The following PPAT variants were observed in gnomAD, a reference collection of about 807,000 sequenced individuals.
PPAT encodes phosphoribosyl pyrophosphate amidotransferase, also known as amidophosphoribosyltransferase.
A neutral mutation model predicts 60.2 loss-of-function variants in PPAT; 20 were observed. The ratio of observed to expected loss-of-function variants is 0.33; its 90% confidence interval spans 0.23 to 0.48. The LOEUF is 0.48. Among genes scored for constraint, PPAT ranks in the 20% least tolerant of loss-of-function variants. The pLI, the probability that PPAT is intolerant of heterozygous loss-of-function variation, is 0.99. For missense variants in PPAT, 349 were observed against 629.6 expected (o/e 0.55, Z 4.77); for synonymous variants, 194 against 215.1 (o/e 0.90, Z 0.86).
Position 56,412,807 on chromosome 4 carries a change from T to C in PPAT, c.129-5091A>G, listed in dbSNP as rs374050858. Among the ~76,000 whole-genome samples, 3 of 152,344 alleles carry C rather than the reference T, an allele frequency of 2.0e-5. No homozygotes were observed. The East Asian group carries it at 5.8e-4, about 29-fold the overall frequency. ...ATATGGAATATTAATGTAACCTCTT[T>C]ACCGGGCTCCCTAGTTTTCACCCTC... On this transcript the variant is annotated intron_variant, in intron 1 of 10. Transcript: ENST00000264220.
At chr4:56,410,447 A>T in intron 1 of PPAT, 1 of 858,844 alleles carries the variant, frequency 1.2e-6, no homozygotes, top group Non-Finnish European at 1.4e-6. Context: ...ATTGACAACC[A>T]GCCATGTGGT....
intron 1 of PPAT, among the ~76,000 whole-genome samples, chr4:56,432,907 G>A (rs1009375134): frequency 2.6e-4 from 40 of 151,062 alleles, no homozygotes; most frequent in African/African-American, 9.5e-4. Context: ...AGTGAATGAG[G>A]GTGAGAAAGT....
rs1280930529 is a variant in PPAT at position 56,396,079 on chromosome 4, A to G, written c.1358-531T>C. 6.6e-6 allele frequency among the ~76,000 whole-genome samples: 1 copy of G among 152,200 alleles called. No homozygotes were observed. Among genetic ancestry groups the G allele is most frequent in the Admixed American group, 6.5e-5 (1 of 15,276 alleles). On this transcript the variant is annotated intron_variant, in intron 10 of 10. Coordinates refer to ENST00000264220, the MANE Select transcript of PPAT (RefSeq NM_002703.5). This position sits in a 1 kb window ranked among gnomAD's most constrained non-coding sequence, Gnocchi z 4.6. ...CAGTGAGGCATATGCATGACAGGTT[A>G]AAAGAAACACCAGCCACAAACAGAT...
Position 56,415,835 on chromosome 4 carries a change from G to A in PPAT, c.129-8119C>T, listed in dbSNP as rs553050520. Among the ~76,000 whole-genome samples the A allele has an allele frequency of 2.0e-5, 3 of 152,190 alleles. No homozygotes were observed. The East Asian group carries it at 5.8e-4, about 29-fold the overall frequency. ...CTCACACCTGTAATCCCAGCACTTTGGGAGGCCGAGGATCACCTGAGGTTA... is the reference window on the plus strand; with the variant it reads ...CTCACACCTGTAATCCCAGCACTTTAGGAGGCCGAGGATCACCTGAGGTTA... On this transcript the variant is annotated intron_variant, in intron 1 of 10. Transcript: ENST00000264220.
At position 56,435,129 on chromosome 4, in the gene PPAT, A is replaced by G. The variant is rs531211606; in HGVS notation, c.128+221T>C. ...GGGAGGGAGAGAGCCCCTAAAAGGC[A>G]TAAGTGGCTGGGAGGGTGGGCAGGA... is the stretch of plus-strand genomic sequence containing the variant. On this transcript the variant is annotated intron_variant, in intron 1 of 10. Coordinates refer to ENST00000264220, the MANE Select transcript of PPAT (RefSeq NM_002703.5). Among the ~76,000 whole-genome samples, 8 of 152,298 alleles carry G rather than the reference A, an allele frequency of 5.3e-5. No individual in the cohort carries two copies. The East Asian group carries it at 5.8e-4, about 11-fold the overall frequency.
intron 1 of PPAT, chr4:56,421,957 A>T (rs1181663469): frequency 6.6e-6 from 1 of 152,192 alleles, no homozygotes; most frequent in African/African-American, 2.4e-5. Flanking sequence ...TAAAAAGGAA[A>T]ATACTGCATT....
At chr4:56,415,454 T>A (rs1578125644) in intron 1 of PPAT, among the ~76,000 whole-genome samples, 2 of 152,320 alleles carry the variant, frequency 1.3e-5, no homozygotes, top group Admixed American at 1.3e-4. Flanking sequence ...CCTCATTTTA[T>A]GAAAGCCTAT....
intron 10 of PPAT, 127 bp from the exon 11 acceptor site, chr4:56,395,675 A>T (rs1279097036): frequency 4.0e-4 from 32 of 80,004 alleles, no homozygotes; most frequent in South Asian, 5.7e-4. Flanking sequence ...GCCTTTCTTT[A>T]AAAAAAAAAA....
chr4:56,434,578 T>C (rs760310517), intron 1 of PPAT, among the ~76,000 whole-genome samples: 19 of 152,152 alleles, frequency 1.2e-4, no homozygotes, highest in Non-Finnish European at 2.4e-4. Context: ...CAAAATCAAG[T>C]GTATGGATCT....
At position 56,406,697 on chromosome 4, in the gene PPAT, A is replaced by T. The variant is rs1235723301; in HGVS notation, c.200T>A (p.Met67Lys). ...AGTAAAGACGTGATTTACAAGACCC[A>T]TTCCCTTGAGAAATCAAAAAGTGCA... ...SVPTFKSHKG[M>K]GLVNHVFTED... Residue 67 changes from methionine to lysine, a missense_variant, in exon 3 of 11, where the codon ATG becomes AAG. Coordinates refer to ENST00000264220, the MANE Select transcript of PPAT (RefSeq NM_002703.5). 11 of 1,606,020 alleles carry T rather than the reference A, an allele frequency of 6.8e-6. No individual in the cohort carries two copies. Among genetic ancestry groups the T allele is most frequent in the Non-Finnish European group, 9.4e-6 (11 of 1,173,246 alleles).
intron 1 of PPAT, among the ~76,000 whole-genome samples, chr4:56,413,712 A>G (rs987588850): frequency 1.3e-4 from 19 of 151,630 alleles, no homozygotes; most frequent in African/African-American, 4.3e-4. Context: ...CCTGACCAAC[A>G]TGGTGAAACC....
chr4:56,403,889 ATGC>A lies in PPAT; in HGVS notation c.403-491_403-489del, dbSNP rs1283176250. ...GGGTTCATGCTCCTAGGAGAATCTA[ATGC>A]TGCTGCTGATCTGGACAGGAGACAG... On this transcript the variant is annotated intron_variant, in intron 3 of 10. Transcript: ENST00000264220. 2.0e-5 allele frequency: 6 copies of A among 304,090 alleles called. 1 individual carries two copies. The highest frequency in any genetic ancestry group is 4.0e-5 in the Non-Finnish European group (6 of 148,932). The allele number at this position is 304,090 out of a possible 1,614,324, so 18.8% of individuals were successfully genotyped here.
chr4:56,394,765 G>A lies in PPAT; in HGVS notation c.*587C>T, dbSNP rs1335203552. On this transcript the variant is annotated 3_prime_UTR_variant, in exon 11 of 11. Coordinates refer to ENST00000264220, the MANE Select transcript of PPAT (RefSeq NM_002703.5). ...TCTTAAAATCAGAAGTGAAATGATGGCTCAAATCACAAAAGTATGACACTT... is the reference window on the plus strand; with the variant it reads ...TCTTAAAATCAGAAGTGAAATGATGACTCAAATCACAAAAGTATGACACTT... 6.6e-6 allele frequency: 1 copy of A among 151,934 alleles called. No individual in the cohort carries two copies. The highest frequency in any genetic ancestry group is 6.6e-5 in the Admixed American group (1 of 15,242). The allele number at this position is 151,934 out of a possible 1,614,324, so 9.4% of individuals were successfully genotyped here.
intron 1 of PPAT, among the ~76,000 whole-genome samples, chr4:56,430,458 T>C (rs928680236): frequency 1.3e-5 from 2 of 152,176 alleles, no homozygotes; most frequent in African/African-American, 4.8e-5. Context: ...ATCTGCCCTG[T>C]ATGGTAAAGT....
In PPAT at chr4:56,435,502, G is replaced by A. The variant is rs745970882; in HGVS notation, c.-25C>T. On this transcript the variant is annotated 5_prime_UTR_variant, in exon 1 of 11. Coordinates refer to ENST00000264220, the MANE Select transcript of PPAT (RefSeq NM_002703.5). ...TGTCGCCGCCGAAAGCACGTGGAAG[G>A]ACCTGCCGCTGCGGCCAAGGTGTAA... 4 of 1,612,670 alleles carry A rather than the reference G, an allele frequency of 2.5e-6. No homozygotes were observed. Among genetic ancestry groups the A allele is most frequent in the Admixed American group, 1.7e-5 (1 of 60,026 alleles).
chr4:56,431,383 T>A (rs1411771752), intron 1 of PPAT: 1 of 942,196 alleles, frequency 1.1e-6, no homozygotes, highest in East Asian at 1.2e-4. Flanking sequence ...TTCTCACAAG[T>A]GCCTTTCCAG....
intron 1 of PPAT, among the ~76,000 whole-genome samples, chr4:56,412,363 C>G (rs1342811867): frequency 1.3e-5 from 2 of 150,834 alleles, no homozygotes; most frequent in African/African-American, 4.9e-5. Flanking sequence ...AGCTGAAGTG[C>G]AGTGGTGTGA....
intron 2 of PPAT, 142 bp from the exon 3 acceptor site, chr4:56,406,843 A>G: frequency 4.3e-6 from 3 of 692,720 alleles, no homozygotes; most frequent in Non-Finnish European, 7.1e-6. Context: ...TAATCTAAAA[A>G]AAAGTCAAAA....
At chr4:56,419,687 G>T (rs1379607287) in intron 1 of PPAT, 8 of 983,674 alleles carry the variant, frequency 8.1e-6, no homozygotes, top group Non-Finnish European at 9.7e-6. Context: ...AAGGAGGAAA[G>T]CACTGGACTG....
Sources: allele counts gnomAD v4.1 joint callset (sites outside exome capture counted in the v4.1 genomes callset), GRCh38; gene constraint gnomAD v4.1.1; non-coding constraint Gnocchi (gnomAD v3.1); transcripts MANE v1.5; gene names NCBI Gene and HGNC (gene_info 2026-07-23, HGNC 2026-07-21).